Variants in PFKFB3 observed in about 807,000 individuals in gnomAD.
PFKFB3 encodes 6-phosphofructo-2-kinase/fructose-2,6-biphosphatase 3, also known as 6-phosphofructo-2-kinase/fructose-2,6-bisphosphatase 3.
In PFKFB3, 33 loss-of-function variants were observed where a neutral mutation model predicts 68.0. The observed-to-expected ratio is 0.49, with a 90% CI of 0.37 to 0.65. PFKFB3 has a LOEUF of 0.65. Among genes scored for constraint, PFKFB3 ranks in the 30% least tolerant of loss-of-function variants. PFKFB3 has a pLI of 0.00. For missense variants in PFKFB3, 586 were observed against 712.2 expected (o/e 0.82, Z 2.02); for synonymous variants, 315 against 288.2 (o/e 1.09, Z -0.94).
chr10:6,189,540 AGTCTCGC>A (rs1842970138), intron 1 of PFKFB3, among the ~76,000 whole-genome samples: 1 of 138,428 alleles, frequency 7.2e-6, no homozygotes, highest in Non-Finnish European at 1.5e-5. Context: ...TTTGGGAGAC[AGTCTCGC>A]TCTGTCACCC....
chr10:6,181,781 G>C (rs1842718755), intron 1 of PFKFB3, among the ~76,000 whole-genome samples: 1 of 133,340 alleles, frequency 7.5e-6, no homozygotes, highest in Admixed American at 8.3e-5. Context: ...CTGGGCGATA[G>C]AGTAAGACTC....
chr10:6,306,539 T>C, the PFKFB3 span, among the ~76,000 whole-genome samples: 1 of 152,148 alleles, frequency 6.6e-6, no homozygotes, highest in South Asian at 2.1e-4. Context: ...AAGTCAGGGT[T>C]GCTTTTCAAA....
chr10:6,146,820 C>T (rs1470684465), intron 1 of PFKFB3, among the ~76,000 whole-genome samples: 1 of 152,252 alleles, frequency 6.6e-6, no homozygotes, highest in Admixed American at 6.5e-5. Context: ...AAACTGCCAA[C>T]CAAGGTAAGC....
chr10:6,185,080 G>C (rs184800485), intron 1 of PFKFB3, among the ~76,000 whole-genome samples: 132 of 152,330 alleles, frequency 8.7e-4, no homozygotes, highest in African/African-American at 3.1e-3. Context: ...TAAATAACCA[G>C]GAGGCCCAGT....
the PFKFB3 span, among the ~76,000 whole-genome samples, chr10:6,266,820 G>T: frequency 0.012 from 1,896 of 152,282 alleles, 43 homozygotes; most frequent in African/African-American, 0.042. Context: ...AAGGGCAAGG[G>T]GTCCCTGCCA....
rs1271805265 is a variant in PFKFB3 at position 6,220,465 on chromosome 10, C to T, written c.624-193C>T. On this transcript the variant is annotated intron_variant, in intron 7 of 14. Coordinates refer to ENST00000379775, the MANE Select transcript of PFKFB3 (RefSeq NM_004566.4). The surrounding 1 kb of genome is among the most constrained non-coding windows in gnomAD (Gnocchi z 4.1). ...CCTTTTCTGGGAGGCAGGCCAGCCT[C>T]ACAGCCAGACACCAGCTGTGGGAGT... 1.3e-5 allele frequency among the ~76,000 whole-genome samples: 2 copies of T among 152,196 alleles called. No homozygotes were observed. Among genetic ancestry groups the T allele is most frequent in the African/African-American group, 4.8e-5 (2 of 41,444 alleles).
At position 6,154,064 on chromosome 10, in the gene PFKFB3, C is replaced by T. The variant is rs890996544; in HGVS notation, c.16+9051C>T. Among the ~76,000 whole-genome samples the T allele has an allele frequency of 2.0e-5, 3 of 152,026 alleles. No homozygotes were observed. Among genetic ancestry groups the T allele is most frequent in the Non-Finnish European group, 4.4e-5 (3 of 67,988 alleles). On this transcript the variant is annotated intron_variant, in intron 1 of 14. Coordinates refer to the PFKFB3 transcript ENST00000379789. This position sits in a 1 kb window ranked among gnomAD's most constrained non-coding sequence, Gnocchi z 4.6. The stretch of plus-strand genomic sequence containing the variant: ...GTCCTGTGGCCAGAGCGGCTGAGTG[C>T]AGGAGGAACCTGCGGGCCAGCACCG...
the PFKFB3 span, chr10:6,293,206 C>A: frequency 2.1e-6 from 1 of 468,704 alleles, no homozygotes; most frequent in South Asian, 1.7e-5. Context: ...TAACTCGAGT[C>A]CCAGATGTTG....
chr10:6,144,989 C>G lies in PFKFB3; in HGVS notation c.-9C>G, dbSNP rs561120271. The G allele has an allele frequency of 2.3e-6, 3 of 1,320,076 alleles. No individual in the cohort carries two copies. In the East Asian group the frequency reaches 9.3e-5, roughly 41 times the overall value. The allele number at this position is 1,320,076 out of a possible 1,614,324, so 81.8% of individuals were successfully genotyped here. A position where few individuals can be genotyped will look rare whatever the true frequency, so the allele number is the denominator to read the frequency against. ...GCGGGCCGGCCCCGCGGGGAGCGCC[C>G]CCGGCGCGATGCCCTTCAGGAAAGG... On this transcript the variant is annotated 5_prime_UTR_variant, in exon 1 of 15. Coordinates refer to the PFKFB3 transcript ENST00000379789.
downstream of PFKFB3, among the ~76,000 whole-genome samples, chr10:6,239,757 T>C (rs879461247): frequency 2.6e-5 from 4 of 152,190 alleles, no homozygotes; most frequent in Non-Finnish European, 5.9e-5. Context: ...CACTGCAGCC[T>C]TGAACTCCCG....
chr10:6,224,232 C>A lies in PFKFB3; in HGVS notation c.1341+19C>A, dbSNP rs1465260700. Reference sequence around the variant, plus strand: ...GTCAGAGGTGAGTGGAGGCCCCAAGCCTCATCCTGGCCATCATCACACGAT... The same window carrying A: ...GTCAGAGGTGAGTGGAGGCCCCAAGACTCATCCTGGCCATCATCACACGAT... On this transcript the variant is annotated intron_variant, in intron 13 of 14. Transcript: ENST00000379775. 3 of 1,612,040 alleles carry A rather than the reference C, an allele frequency of 1.9e-6. No homozygotes were observed. The South Asian group carries it at 3.3e-5, about 18-fold the overall frequency.
chr10:6,294,568 G>T, the PFKFB3 span: 1 of 168,728 alleles, frequency 5.9e-6, no homozygotes, highest in African/African-American at 2.4e-5. Context: ...ATGACACATG[G>T]GAATTACGGG....
At chr10:6,156,501 TA>T (rs975880551) in intron 1 of PFKFB3, among the ~76,000 whole-genome samples, 48 of 150,088 alleles carry the variant, frequency 3.2e-4, no homozygotes, top group African/African-American at 1.2e-3. Context: ...ATTAATTAAT[TA>T]ATTACTTTTT....
At chr10:6,177,354 C>CTCTTTTCTTTCTTTCTTTCTT (rs1554842851) in intron 1 of PFKFB3, among the ~76,000 whole-genome samples, 1 of 77,924 alleles carries the variant, frequency 1.3e-5, no homozygotes, top group African/African-American at 4.3e-5. Context: ...CTTTTCTTTT[C>CTCTTTTCTTTCTTTCTTTCTT]TCTTTCTTTC....
At chr10:6,223,308 C>G (rs1045685039) in intron 11 of PFKFB3, among the ~76,000 whole-genome samples, 56 of 152,164 alleles carry the variant, frequency 3.7e-4, no homozygotes, top group Non-Finnish European at 1.5e-5. Context: ...TCAGTGCCCT[C>G]TAAGGAACAA....
At chr10:6,245,375 A>G (rs1588565568) in intron 14 of PFKFB3, among the ~76,000 whole-genome samples, 1 of 150,314 alleles carries the variant, frequency 6.7e-6, no homozygotes, top group Admixed American at 6.7e-5. Flanking sequence ...GATTACTGGC[A>G]TGAGCTACTG....
At position 6,182,779 on chromosome 10, in the gene PFKFB3, G is replaced by A. The variant is rs573065259; in HGVS notation, c.17-30844G>A. On this transcript the variant is annotated intron_variant, in intron 1 of 14. Transcript: ENST00000379789. ...CAGTGCTTTCCTGGCTTAGCTGGGC[G>A]AAATCCAAATGCAGTGAAGTTCGCC... is the stretch of plus-strand genomic sequence containing the variant. Among the ~76,000 whole-genome samples the A allele has an allele frequency of 2.0e-4, 31 of 152,360 alleles. No individual in the cohort carries two copies. In the South Asian group the frequency reaches 6.2e-3, roughly 31 times the overall value.
chr10:6,324,943 C>T, the PFKFB3 span, among the ~76,000 whole-genome samples: 1 of 151,966 alleles, frequency 6.6e-6, no homozygotes, highest in Non-Finnish European at 1.5e-5. Flanking sequence ...TAGGTATATA[C>T]AGATGCATAC....
rs778605704 is a variant in PFKFB3, at chr10:6,226,293, G to T, written c.1443G>T (p.Glu481Asp). ...AGCCTCGCATCAACAGCTTTGAGGA[G>T]CATGTGGCCTCCACCTCGGCCGCCC... ...TKKPRINSFE[E>D]HVASTSAALP... The change falls in exon 14 of 15, where the codon GAG (glutamate) becomes GAT (aspartate). Residue 481 changes from glutamate (E) to aspartate (D), a missense_variant. Transcript: ENST00000379775. 1.2e-6 allele frequency: 2 copies of T among 1,614,216 alleles called. No homozygotes were observed. Among genetic ancestry groups the T allele is most frequent in the Admixed American group, 3.3e-5 (2 of 60,022 alleles).
Sources: gnomAD v4.1 joint callset for allele counts (sites outside exome capture counted in the v4.1 genomes callset) on GRCh38, gnomAD v4.1.1 for gene constraint, Gnocchi (gnomAD v3.1) non-coding constraint, MANE v1.5 for transcripts, NCBI Gene and HGNC (gene_info 2026-07-23, HGNC 2026-07-21) for gene names.